ZC3H12B: variants seen among roughly 807,000 people sequenced by gnomAD.
ZC3H12B encodes probable ribonuclease ZC3H12B.
A neutral mutation model predicts 43.9 loss-of-function variants in ZC3H12B; 7 were observed. The ratio of observed to expected loss-of-function variants is 0.16; its 90% CI spans 0.09 to 0.30. The LOEUF is 0.30. Ranked by LOEUF, ZC3H12B falls within the 10% of genes least tolerant of loss-of-function variation. ZC3H12B has a pLI of 1.00. For missense variants in ZC3H12B, 475 were observed against 670.2 expected, an observed-to-expected ratio of 0.71 and a Z score of 3.22; for synonymous variants, 222 against 241.7, an observed-to-expected ratio of 0.92 and a Z score of 0.76.
At chrX:65,224,685 T>G in the ZC3H12B span, among the ~76,000 whole-genome samples, 1 of 112,001 alleles carries the variant, frequency 8.9e-6, no homozygotes, top group Non-Finnish European at 1.9e-5. Context: ...ACTGCACTTT[T>G]CCGACGGGCT....
intron 2 of ZC3H12B, among the ~76,000 whole-genome samples, chrX:65,390,141 C>A (rs1406476819): frequency 9.0e-6 from 1 of 110,698 alleles, no homozygotes; most frequent in Admixed American, 9.7e-5. Flanking sequence ...TCATTTTGAG[C>A]AAACTATTGC....
chrX:65,502,648 C>A (rs1339273411), exon 5 of ZC3H12B: 3 of 1,209,252 alleles, frequency 2.5e-6, no homozygotes, highest in African/African-American at 1.7e-5. Flanking sequence ...CTAAGCAAGG[C>A]CCCCACAAAC....
intron 3 of ZC3H12B, among the ~76,000 whole-genome samples, chrX:65,434,122 C>T (rs903820937): frequency 9.0e-6 from 1 of 111,624 alleles, no homozygotes; most frequent in Non-Finnish European, 1.9e-5. Flanking sequence ...TTGGCTCCTG[C>T]CTCCTTGGGA....
the ZC3H12B span, among the ~76,000 whole-genome samples, chrX:65,075,093 C>G: frequency 8.9e-6 from 1 of 111,977 alleles, no homozygotes; most frequent in Non-Finnish European, 1.9e-5. Flanking sequence ...AAGGAAAGAC[C>G]TTCACAAATC....
intron 3 of ZC3H12B, among the ~76,000 whole-genome samples, chrX:65,409,880 A>G (rs1176674214): frequency 9.0e-6 from 1 of 111,207 alleles, no homozygotes; most frequent in Non-Finnish European, 1.9e-5. Context: ...TAAAATATTC[A>G]TACTACACAA....
chrX:65,243,474 T>A, the ZC3H12B span, among the ~76,000 whole-genome samples: 1 of 112,165 alleles, frequency 8.9e-6, no homozygotes, highest in South Asian at 3.7e-4. Context: ...TAACAAGAGA[T>A]GCTGGCAAGG....
the ZC3H12B span, among the ~76,000 whole-genome samples, chrX:65,300,780 C>A: frequency 9.0e-6 from 1 of 111,169 alleles, no homozygotes; most frequent in Non-Finnish European, 1.9e-5. Flanking sequence ...ACAAAACTAC[C>A]GAACTAAACA....
At chrX:65,286,616 C>T in the ZC3H12B span, among the ~76,000 whole-genome samples, 3 of 110,072 alleles carry the variant, frequency 2.7e-5, no homozygotes, top group African/African-American at 9.9e-5. Flanking sequence ...CACACACACA[C>T]GTATATAATA....
the ZC3H12B span, among the ~76,000 whole-genome samples, chrX:65,098,225 TACACACAC>T: frequency 5.2e-5 from 5 of 96,184 alleles, no homozygotes; most frequent in African/African-American, 1.2e-4. Context: ...CATGTCTTAG[TACACACAC>T]ACACACACAC....
chrX:65,278,926 G>T, the ZC3H12B span, among the ~76,000 whole-genome samples: 5 of 110,243 alleles, frequency 4.5e-5, no homozygotes, highest in South Asian at 1.2e-3. Context: ...GCATTAGTTT[G>T]CTAAGGATAA....
the ZC3H12B span, among the ~76,000 whole-genome samples, chrX:65,313,113 C>T: frequency 5.4e-5 from 6 of 111,372 alleles, no homozygotes; most frequent in African/African-American, 2.0e-4. Context: ...AACTTTTGAT[C>T]CCAAGTGATT....
At chrX:65,321,416 T>A in the ZC3H12B span, among the ~76,000 whole-genome samples, 2 of 111,460 alleles carry the variant, frequency 1.8e-5, no homozygotes, top group Non-Finnish European at 3.8e-5. Context: ...GCTGGCAAGG[T>A]TACAGAGGAA....
At chrX:65,230,560 C>A in the ZC3H12B span, among the ~76,000 whole-genome samples, 1 of 105,771 alleles carries the variant, frequency 9.5e-6, no homozygotes, top group African/African-American at 3.5e-5. Context: ...TATACGAAAT[C>A]ACCAGTAAAG....
the ZC3H12B span, among the ~76,000 whole-genome samples, chrX:65,252,046 CATTCAGT>C: frequency 5.4e-5 from 6 of 111,779 alleles, no homozygotes; most frequent in Admixed American, 5.7e-4. Context: ...AGTTTTTGCC[CATTCAGT>C]ATGATATTGG....
chrX:65,125,365 A>G, the ZC3H12B span, among the ~76,000 whole-genome samples: 124 of 111,381 alleles, frequency 1.1e-3, 1 homozygote, highest in Middle Eastern at 4.7e-3. Context: ...AGTTCTTGAT[A>G]TTACTTTGAT....
chrX:65,379,315 C>T (rs905760396), intron 2 of ZC3H12B, among the ~76,000 whole-genome samples: 12 of 111,714 alleles, frequency 1.1e-4, no homozygotes, highest in Admixed American at 9.5e-4. Flanking sequence ...CCCCATGCAG[C>T]CTAACTGGGA....
the ZC3H12B span, among the ~76,000 whole-genome samples, chrX:65,265,276 A>T: frequency 1.8e-5 from 2 of 112,258 alleles, no homozygotes; most frequent in African/African-American, 6.5e-5. Flanking sequence ...TTCCAAATTT[A>T]CAGACTAATG....
chrX:65,351,890 A>G, the ZC3H12B span, among the ~76,000 whole-genome samples: 1 of 112,484 alleles, frequency 8.9e-6, no homozygotes, highest in African/African-American at 3.2e-5. Flanking sequence ...TAGATCAACC[A>G]TTGTAGAAGA....
chrX:65,223,842 A>T, the ZC3H12B span, among the ~76,000 whole-genome samples: 1 of 112,195 alleles, frequency 8.9e-6, no homozygotes, highest in African/African-American at 3.2e-5. Flanking sequence ...TGACATGGAT[A>T]TGATGATGAG....
Sources: gnomAD v4.1 joint callset for allele counts (sites outside exome capture counted in the v4.1 genomes callset) on GRCh38, gnomAD v4.1.1 for gene constraint, MANE v1.5 for transcripts, NCBI Gene and HGNC (gene_info 2026-07-23, HGNC 2026-07-21) for gene names.